The following CCBE1 variants were observed in gnomAD, a reference collection of about 807,000 sequenced individuals.
The protein encoded by CCBE1 is collagen and calcium binding EGF domains 1.
CCBE1 carries 37 observed loss-of-function variants against 50.0 expected under a neutral mutation model. That is an observed-to-expected ratio of 0.74 (90% CI 0.57 to 0.97). The LOEUF is 0.97. CCBE1 is among the 50% of genes least tolerant of loss of function. The probability of loss-of-function intolerance (pLI) is 0.00; values close to 1 mark genes in which losing one functional copy is unlikely to be tolerated. For missense variants in CCBE1, 538 were observed against 523.8 expected, an observed-to-expected ratio of 1.03 and a Z score of -0.26; for synonymous variants, 234 against 203.7, an observed-to-expected ratio of 1.15 and a Z score of -1.27.
intron 2 of CCBE1, among the ~76,000 whole-genome samples, chr18:59,536,990 C>CAA (rs34336757): frequency 0.061 from 5,588 of 91,682 alleles, 346 homozygotes; most frequent in African/African-American, 0.15. Flanking sequence ...GACTCTGTCT[C>CAA]AAAAAAAAAA....
In CCBE1 at chr18:59,534,350, T is replaced by C. The variant is rs115523190; in HGVS notation, c.213-54112A>G. Among the ~76,000 whole-genome samples the C allele has an allele frequency of 2.1e-3, 317 of 152,358 alleles. 2 individuals carry two copies. Among genetic ancestry groups the C allele is most frequent in the African/African-American group, 7.2e-3 (299 of 41,586 alleles). On this transcript the variant is annotated intron_variant, in intron 2 of 10. Coordinates refer to ENST00000439986, the MANE Select transcript of CCBE1 (RefSeq NM_133459.4). ...GGCCCTGAGGTTTTTGTCTTGTCCT[T>C]AATATTTTAAAACACATGCTGACTT... is the stretch of plus-strand genomic sequence containing the variant.
chr18:59,442,126 C>A (rs553835180), intron 7 of CCBE1, among the ~76,000 whole-genome samples: 2 of 152,302 alleles, frequency 1.3e-5, no homozygotes, highest in East Asian at 3.9e-4. Flanking sequence ...GATCACCTAT[C>A]TCCAAAAACA....
chr18:59,528,196 G>C (rs1180649859), intron 2 of CCBE1, among the ~76,000 whole-genome samples: 1 of 152,026 alleles, frequency 6.6e-6, no homozygotes, highest in Non-Finnish European at 1.5e-5. Flanking sequence ...TTTTCTGTCT[G>C]ATCTTGTCTA....
rs1358183194 is a variant in CCBE1, at chr18:59,697,408, G to GGCC, written c.-69_-67dup. On this transcript the variant is annotated 5_prime_UTR_variant, in exon 1 of 11. Coordinates refer to ENST00000439986, the MANE Select transcript of CCBE1 (RefSeq NM_133459.4). Reference sequence around the variant, plus strand: ...CGGACCAAGCGTCCTGCTCCTCCGCGGCCGCCGCCGCCTTCCCTCTTCCCG... The same window carrying GGCC: ...CGGACCAAGCGTCCTGCTCCTCCGCGGCCGCCGCCGCCGCCTTCCCTCTTCCCG... 3.3e-6 allele frequency: 5 copies of GGCC among 1,509,852 alleles called. No homozygotes were observed. Among genetic ancestry groups the GGCC allele is most frequent in the East Asian group, 2.5e-5 (1 of 40,222 alleles). The allele number at this position is 1,509,852 out of a possible 1,614,324, so 93.5% of individuals were successfully genotyped here.
intron 2 of CCBE1, among the ~76,000 whole-genome samples, chr18:59,685,108 T>C (rs2144737818): frequency 6.6e-6 from 1 of 152,330 alleles, no homozygotes; most frequent in African/African-American, 2.4e-5. Context: ...TGGGAGAAGA[T>C]TCATGCAGTG....
At chr18:59,662,852 C>T (rs1230415112) in intron 2 of CCBE1, among the ~76,000 whole-genome samples, 1 of 152,192 alleles carries the variant, frequency 6.6e-6, no homozygotes, top group East Asian at 1.9e-4. Flanking sequence ...TTGGTGTACA[C>T]CTGTAGTCCC....
chr18:59,625,076 A>G (rs1031293584), intron 2 of CCBE1, among the ~76,000 whole-genome samples: 1 of 152,192 alleles, frequency 6.6e-6, no homozygotes, highest in Non-Finnish European at 1.5e-5. Context: ...CACCATGGTA[A>G]CAAATGGAAA....
At chr18:59,489,083 A>G (rs1290495094) in intron 2 of CCBE1, among the ~76,000 whole-genome samples, 1 of 152,250 alleles carries the variant, frequency 6.6e-6, no homozygotes, top group East Asian at 1.9e-4. Flanking sequence ...TTTACTGGCT[A>G]AAAAGAGAAG....
At chr18:59,628,067 A>G (rs964083397) in intron 2 of CCBE1, among the ~76,000 whole-genome samples, 2 of 152,056 alleles carry the variant, frequency 1.3e-5, no homozygotes, top group Admixed American at 1.3e-4. Flanking sequence ...ACAAAAAATT[A>G]TCCGAGTGTG....
At chr18:59,663,838 A>G (rs1199830364) in intron 2 of CCBE1, among the ~76,000 whole-genome samples, 3 of 152,182 alleles carry the variant, frequency 2.0e-5, no homozygotes, top group African/African-American at 4.8e-5. Context: ...GAAGAAGCAG[A>G]TAACTCCCAA....
At chr18:59,637,014 A>C (rs2053924581) in intron 2 of CCBE1, among the ~76,000 whole-genome samples, 1 of 152,202 alleles carries the variant, frequency 6.6e-6, no homozygotes, top group South Asian at 2.1e-4. Context: ...AAAATTCTAC[A>C]AGTTTTTGAA....
At chr18:59,568,126 T>C (rs1365724695) in intron 2 of CCBE1, 1 of 152,054 alleles carries the variant, frequency 6.6e-6, no homozygotes, top group African/African-American at 2.4e-5. Flanking sequence ...CCTGAATGTC[T>C]CCAAGTCCTG....
At chr18:59,519,812 A>T (rs1236671545) in intron 2 of CCBE1, among the ~76,000 whole-genome samples, 1 of 152,196 alleles carries the variant, frequency 6.6e-6, no homozygotes, top group Non-Finnish European at 1.5e-5. Context: ...TAGGTCTTAC[A>T]TTTAAGTCTG....
chr18:59,507,059 C>G (rs777534854), intron 2 of CCBE1, among the ~76,000 whole-genome samples: 7 of 152,172 alleles, frequency 4.6e-5, no homozygotes, highest in Non-Finnish European at 1.0e-4. Context: ...TGTAGCCTAA[C>G]CTCTTACTCC....
chr18:59,491,214 T>G (rs920812773), intron 2 of CCBE1, among the ~76,000 whole-genome samples: 4 of 152,200 alleles, frequency 2.6e-5, no homozygotes, highest in Non-Finnish European at 5.9e-5. Context: ...TAACAAAAAT[T>G]GTTCACCATG....
At chr18:59,480,328 C>A in intron 2 of CCBE1, 90 bp from the exon 3 acceptor site, 1 of 1,035,372 alleles carries the variant, frequency 9.7e-7, no homozygotes, top group Non-Finnish European at 1.5e-6. Flanking sequence ...ATAACTTGTG[C>A]CCAGGAAACA....
At chr18:59,596,796 C>T (rs1165652216) in intron 2 of CCBE1, among the ~76,000 whole-genome samples, 1 of 152,218 alleles carries the variant, frequency 6.6e-6, no homozygotes, top group Non-Finnish European at 1.5e-5. Flanking sequence ...GGTGTGACTT[C>T]TGAGGGGGCT....
chr18:59,573,444 C>T (rs901048474), intron 2 of CCBE1, among the ~76,000 whole-genome samples: 31 of 151,564 alleles, frequency 2.0e-4, no homozygotes, highest in African/African-American at 7.3e-4. Flanking sequence ...ACTGCAGCAT[C>T]AGCTCTTACC....
chr18:59,456,273 A>G (rs1416402543), intron 5 of CCBE1, among the ~76,000 whole-genome samples: 1 of 152,212 alleles, frequency 6.6e-6, no homozygotes, highest in East Asian at 1.9e-4. Context: ...TCTTTGGGAA[A>G]TGGATCGTTA....
Sources: allele counts gnomAD v4.1 joint callset (sites outside exome capture counted in the v4.1 genomes callset), GRCh38; gene constraint gnomAD v4.1.1; transcripts MANE v1.5; gene names NCBI Gene and HGNC (gene_info 2026-07-23, HGNC 2026-07-21).